Variants in SEPTIN2 observed in about 807,000 individuals in gnomAD.
The protein encoded by SEPTIN2 is septin 2, also known as septin-2.
Under a neutral mutation model 46.5 loss-of-function variants are expected in SEPTIN2, and 34 were observed. The ratio of observed to expected loss-of-function variants is 0.73; its 90% CI spans 0.56 to 0.97. The LOEUF is 0.97. SEPTIN2 is among the 50% of genes least tolerant of loss of function. The pLI, the probability that SEPTIN2 is intolerant of heterozygous loss-of-function variation, is 0.00. For synonymous variants in SEPTIN2, 175 were observed against 153.4 expected (o/e 1.14, Z -1.04); for missense variants, 347 against 448.4 (o/e 0.77, Z 2.04).
At chr2:241,340,208 G>T (rs1446292234) in intron 7 of SEPTIN2, among the ~76,000 whole-genome samples, 2 of 152,166 alleles carry the variant, frequency 1.3e-5, no homozygotes, top group African/African-American at 4.8e-5. Context: ...CTGAGAAATT[G>T]TATCTCATTT....
At chr2:241,316,750 T>G in intron 1 of SEPTIN2, 1 of 431,174 alleles carries the variant, frequency 2.3e-6, no homozygotes, top group Non-Finnish European at 4.1e-6. Flanking sequence ...CCTTGTCCTC[T>G]CTCCACGGAA....
chr2:241,347,179 C>G (rs937251872), intron 10 of SEPTIN2, among the ~76,000 whole-genome samples: 1 of 151,980 alleles, frequency 6.6e-6, no homozygotes, highest in African/African-American at 2.4e-5. Flanking sequence ...CCAGTAGGTC[C>G]AGGCTGCAGT....
At chr2:241,331,192 G>C (rs1462358073) in intron 3 of SEPTIN2, among the ~76,000 whole-genome samples, 2 of 151,872 alleles carry the variant, frequency 1.3e-5, no homozygotes, top group Non-Finnish European at 2.9e-5. Flanking sequence ...AAAAACAAAA[G>C]AAAAAAATCA....
intron 3 of SEPTIN2, among the ~76,000 whole-genome samples, chr2:241,330,314 A>G (rs2078789746): frequency 6.6e-6 from 1 of 152,240 alleles, no homozygotes; most frequent in South Asian, 2.1e-4. Flanking sequence ...CACAATGGGA[A>G]AAAAGATAGG....
intron 1 of SEPTIN2, among the ~76,000 whole-genome samples, chr2:241,321,688 T>G (rs2077155886): frequency 6.6e-6 from 1 of 152,232 alleles, no homozygotes; most frequent in Admixed American, 6.5e-5. Context: ...CCCATTGTCT[T>G]GATTTAGGAT....
At chr2:241,329,935 T>C (rs990267215) in intron 3 of SEPTIN2, among the ~76,000 whole-genome samples, 2 of 152,246 alleles carry the variant, frequency 1.3e-5, no homozygotes, top group African/African-American at 4.8e-5. Flanking sequence ...TAGGCTGAAT[T>C]GTGCGAGCTA....
chr2:241,350,002 A>G (rs1368862231), intron 11 of SEPTIN2, 71 bp from the exon 12 acceptor site: 3 of 1,468,542 alleles, frequency 2.0e-6, no homozygotes, highest in African/African-American at 2.8e-5. Flanking sequence ...TTTAGGAATC[A>G]CAGAACACCC....
At chr2:241,344,719 A>T (rs370776519) in intron 9 of SEPTIN2, among the ~76,000 whole-genome samples, 1 of 152,016 alleles carries the variant, frequency 6.6e-6, no homozygotes, top group Non-Finnish European at 1.5e-5. Context: ...ATAATAAATT[A>T]AATAAATAAA....
chr2:241,331,411 T>G (rs968840241), intron 3 of SEPTIN2, among the ~76,000 whole-genome samples: 5 of 152,200 alleles, frequency 3.3e-5, no homozygotes, highest in African/African-American at 1.2e-4. Flanking sequence ...GTCCCATATT[T>G]TTTCTGAGAC....
chr2:241,331,963 A>T (rs1463418840), intron 3 of SEPTIN2, among the ~76,000 whole-genome samples: 1 of 152,212 alleles, frequency 6.6e-6, no homozygotes, highest in Non-Finnish European at 1.5e-5. Flanking sequence ...AGCCAAGTTG[A>T]TTCAGTGGGG....
At chr2:241,339,955 T>C (rs1424606402) in intron 7 of SEPTIN2, among the ~76,000 whole-genome samples, 1 of 152,252 alleles carries the variant, frequency 6.6e-6, no homozygotes, top group Non-Finnish European at 1.5e-5. Context: ...TTCCGAATAA[T>C]GTCTGGCACA....
chr2:241,340,824 C>A (rs960906546), intron 7 of SEPTIN2, among the ~76,000 whole-genome samples: 6 of 152,180 alleles, frequency 3.9e-5, no homozygotes, highest in African/African-American at 9.7e-5. Flanking sequence ...TCATTCTGCC[C>A]TATCTACAAG....
chr2:241,335,429 T>C (rs1001326628), intron 4 of SEPTIN2: 3 of 1,272,544 alleles, frequency 2.4e-6, no homozygotes, highest in Admixed American at 2.0e-5. Context: ...CATCCTCTCT[T>C]GAGTTTGTCT....
At chr2:241,331,980 TTA>T in intron 3 of SEPTIN2, among the ~76,000 whole-genome samples, 1 of 152,298 alleles carries the variant, frequency 6.6e-6, no homozygotes, top group South Asian at 2.1e-4. Flanking sequence ...GGGGGCAAGT[TTA>T]GTCTTTTTAC....
rs989371665 is a variant in SEPTIN2, at chr2:241,315,929, C to G, written c.-71C>G. ...GCGGGCTGTGAGCGGACCGCGAGCG[C>G]TGGGCGGGTCCGCGGCGCGGTCGGT... On this transcript the variant is annotated 5_prime_UTR_variant, in exon 1 of 13. Transcript: ENST00000391971. 2 of 152,050 alleles carry G rather than the reference C, an allele frequency of 1.3e-5. No homozygotes were observed. Among genetic ancestry groups the G allele is most frequent in the African/African-American group, 2.4e-5 (1 of 41,406 alleles). The allele number at this position is 152,050 out of a possible 1,614,324, so 9.4% of individuals were successfully genotyped here.
intron 11 of SEPTIN2, among the ~76,000 whole-genome samples, chr2:241,349,472 C>T (rs1397394640): frequency 1.3e-5 from 2 of 151,982 alleles, no homozygotes; most frequent in Non-Finnish European, 2.9e-5. Context: ...TTCCCATTCC[C>T]CTTTACTTTG....
intron 3 of SEPTIN2, among the ~76,000 whole-genome samples, chr2:241,328,950 G>T (rs1448782067): frequency 6.6e-6 from 1 of 151,620 alleles, no homozygotes; most frequent in African/African-American, 2.4e-5. Context: ...AACCCGGGAG[G>T]TGGAGGTTGC....
chr2:241,346,592 T>TA (rs75325416), intron 10 of SEPTIN2: 80 of 148,764 alleles, frequency 5.4e-4, no homozygotes, highest in Middle Eastern at 3.4e-3. Flanking sequence ...TACAAAAATT[T>TA]AAAAAAAAAA....
Position 241,338,906 on chromosome 2 carries a change from A to C in SEPTIN2, c.594+1116A>C, listed in dbSNP as rs1396944000. Among the ~76,000 whole-genome samples the C allele has an allele frequency of 1.4e-3, 111 of 79,568 alleles. 1 individual carries two copies. Among genetic ancestry groups the C allele is most frequent in the African/African-American group, 4.4e-3 (94 of 21,162 alleles). The allele number at this position is 79,568 out of a possible 152,430, so 52.2% of individuals were successfully genotyped here. The stretch of plus-strand genomic sequence containing the variant: ...CTATAATATATATTATATATATTAT[A>C]TATAATATATATAATTGTACATATA... On this transcript the variant is annotated intron_variant, in intron 7 of 12. Transcript: ENST00000391971.
Sources: allele counts gnomAD v4.1 joint callset (sites outside exome capture counted in the v4.1 genomes callset), GRCh38; gene constraint gnomAD v4.1.1; transcripts MANE v1.5; gene names NCBI Gene and HGNC (gene_info 2026-07-23, HGNC 2026-07-21).